Variants in SUGCT observed in about 807,000 individuals in gnomAD.
The protein encoded by SUGCT is succinyl-CoA:glutarate CoA-transferase.
Under a neutral mutation model 55.0 loss-of-function variants are expected in SUGCT, and 41 were observed. The ratio of observed to expected loss-of-function variants is 0.74; its 90% CI spans 0.58 to 0.97. The LOEUF (loss-of-function observed/expected upper bound fraction) is 0.97, where lower values mean the gene tolerates loss of function less well. Ranked by LOEUF, SUGCT falls within the 50% of genes least tolerant of loss-of-function variation. The pLI, the probability that SUGCT is intolerant of heterozygous loss-of-function variation, is 0.00. For synonymous variants in SUGCT, 187 were observed against 200.4 expected, an observed-to-expected ratio of 0.93 and a Z score of 0.56; for missense variants, 568 against 547.8, an observed-to-expected ratio of 1.04 and a Z score of -0.37.
chr7:40,538,805 C>G (rs932974305), intron 12 of SUGCT: 1 of 152,214 alleles, frequency 6.6e-6, no homozygotes, highest in Non-Finnish European at 1.5e-5. Context: ...AGGCTGGGCG[C>G]GGGGGCTCAC....
At position 40,151,378 on chromosome 7, in the gene SUGCT, C is replaced by T. The variant is rs189711810; in HGVS notation, c.100+16258C>T. Among the ~76,000 whole-genome samples the T allele has an allele frequency of 3.9e-5, 6 of 152,328 alleles. No individual in the cohort carries two copies. In the East Asian group the frequency reaches 9.6e-4, roughly 24 times the overall value. ...AGTGGAATGCTGGAGCTGAAAGCAT[C>T]TGTGTGGCAGCTGGACATGTCCTTT... On this transcript the variant is annotated intron_variant, in intron 1 of 13. Transcript: ENST00000335693.
chr7:40,301,377 A>G lies in SUGCT; in HGVS notation c.721-15383A>G, dbSNP rs114421686. 2.8e-3 allele frequency among the ~76,000 whole-genome samples: 423 copies of G among 152,326 alleles called. 4 individuals are homozygous for G. Among genetic ancestry groups the G allele is most frequent in the African/African-American group, 9.7e-3 (404 of 41,578 alleles). ...TATTCTTCAGATTGTTTTTTAAATCACTGAGTTTGTTTAATTAATATAGCA... is the reference window on the plus strand; with the variant it reads ...TATTCTTCAGATTGTTTTTTAAATCGCTGAGTTTGTTTAATTAATATAGCA... On this transcript the variant is annotated intron_variant, in intron 8 of 13. Transcript: ENST00000335693.
At chr7:40,760,629 A>G (rs1247888179) in intron 13 of SUGCT, among the ~76,000 whole-genome samples, 1 of 152,222 alleles carries the variant, frequency 6.6e-6, no homozygotes, top group Non-Finnish European at 1.5e-5. Flanking sequence ...CAACAAAAAT[A>G]TGATTCATAA....
At chr7:40,700,663 A>G (rs1313766149) in intron 12 of SUGCT, among the ~76,000 whole-genome samples, 1 of 152,188 alleles carries the variant, frequency 6.6e-6, no homozygotes, top group Admixed American at 6.5e-5. Flanking sequence ...GTGGTTTTAT[A>G]TCTAAGTATC....
At chr7:40,578,665 A>C (rs1487817009) in intron 12 of SUGCT, among the ~76,000 whole-genome samples, 1 of 152,196 alleles carries the variant, frequency 6.6e-6, no homozygotes, top group Non-Finnish European at 1.5e-5. Flanking sequence ...GTCTCTGAGA[A>C]TATAGCCAAG....
chr7:40,748,155 G>A (rs1183071159), intron 12 of SUGCT, among the ~76,000 whole-genome samples: 2 of 151,916 alleles, frequency 1.3e-5, no homozygotes, highest in African/African-American at 2.4e-5. Flanking sequence ...CATTGTTGTG[G>A]GATTAGGAGG....
the SUGCT span, among the ~76,000 whole-genome samples, chr7:40,989,105 T>C: frequency 6.6e-6 from 1 of 152,252 alleles, no homozygotes; most frequent in Admixed American, 6.5e-5. Context: ...ACATACTTTG[T>C]TGCTAAAAAA....
chr7:40,786,091 C>G (rs1357173630), intron 13 of SUGCT, among the ~76,000 whole-genome samples: 2 of 151,970 alleles, frequency 1.3e-5, no homozygotes, highest in Admixed American at 1.3e-4. Flanking sequence ...CGAAGGAGAC[C>G]CTATCTCCAA....
At chr7:40,148,286 A>G (rs1788371220) in intron 1 of SUGCT, among the ~76,000 whole-genome samples, 2 of 152,252 alleles carry the variant, frequency 1.3e-5, no homozygotes, top group African/African-American at 4.8e-5. Flanking sequence ...AAAGAAATTT[A>G]GAACTCCTAT....
At chr7:40,277,982 T>A (rs1013588666) in intron 8 of SUGCT, among the ~76,000 whole-genome samples, 6 of 152,018 alleles carry the variant, frequency 3.9e-5, no homozygotes, top group African/African-American at 1.4e-4. Flanking sequence ...AATGATGATT[T>A]CCAGCTTCAT....
chr7:40,783,247 C>G (rs756946027), intron 13 of SUGCT, among the ~76,000 whole-genome samples: 1 of 152,104 alleles, frequency 6.6e-6, no homozygotes, highest in Non-Finnish European at 1.5e-5. Flanking sequence ...TTTCCTCTTG[C>G]TAGGAATTAT....
chr7:40,672,847 T>C (rs781024369), intron 12 of SUGCT, among the ~76,000 whole-genome samples: 3 of 152,208 alleles, frequency 2.0e-5, no homozygotes, highest in Non-Finnish European at 4.4e-5. Flanking sequence ...TACAATAAAA[T>C]GCCTCCTTTT....
At chr7:40,914,368 G>T in the SUGCT span, among the ~76,000 whole-genome samples, 1 of 150,316 alleles carries the variant, frequency 6.7e-6, no homozygotes, top group Non-Finnish European at 1.5e-5. Context: ...ATGCTGGTGC[G>T]CTGCACCCAC....
At chr7:40,928,980 A>G in the SUGCT span, among the ~76,000 whole-genome samples, 1 of 152,000 alleles carries the variant, frequency 6.6e-6, no homozygotes, top group Admixed American at 6.6e-5. Context: ...CATGTGCACA[A>G]TGTGCAAGTT....
At chr7:40,280,640 C>A (rs1449768644) in intron 8 of SUGCT, among the ~76,000 whole-genome samples, 1 of 152,140 alleles carries the variant, frequency 6.6e-6, no homozygotes, top group Non-Finnish European at 1.5e-5. Flanking sequence ...TAATTCTTAT[C>A]ATTTTGACTG....
intron 9 of SUGCT, among the ~76,000 whole-genome samples, chr7:40,404,611 A>G (rs1477275610): frequency 1.3e-5 from 2 of 151,894 alleles, no homozygotes; most frequent in East Asian, 3.9e-4. Context: ...TGATTTTTGT[A>G]TTTTTAGTAG....
chr7:41,017,790 G>T, the SUGCT span, among the ~76,000 whole-genome samples: 1 of 145,004 alleles, frequency 6.9e-6, no homozygotes, highest in Non-Finnish European at 1.5e-5. Flanking sequence ...AAAAAAGAAA[G>T]ATTTCACTGG....
At chr7:40,985,389 T>C in the SUGCT span, among the ~76,000 whole-genome samples, 8 of 151,936 alleles carry the variant, frequency 5.3e-5, no homozygotes, top group African/African-American at 1.9e-4. Context: ...TCAAAACAAA[T>C]AATGAAAATG....
At chr7:40,848,632 CA>C (rs1158541547) in intron 13 of SUGCT, among the ~76,000 whole-genome samples, 1 of 151,894 alleles carries the variant, frequency 6.6e-6, no homozygotes, top group African/African-American at 2.4e-5. Flanking sequence ...AACAATGAGC[CA>C]AAATTGATTC....
Sources: gnomAD v4.1 joint callset for allele counts (sites outside exome capture counted in the v4.1 genomes callset) on GRCh38, gnomAD v4.1.1 for gene constraint, MANE v1.5 for transcripts, NCBI Gene and HGNC (gene_info 2026-07-23, HGNC 2026-07-21) for gene names.